Variants in ERLEC1 observed in about 807,000 individuals in gnomAD.
ERLEC1 encodes endoplasmic reticulum lectin 1, also known as ER lectin.
Under a neutral mutation model 68.0 loss-of-function variants are expected in ERLEC1, and 47 were observed. The ratio of observed to expected loss-of-function variants is 0.69; its 90% CI spans 0.55 to 0.88. ERLEC1 has a LOEUF of 0.88. Ranked by LOEUF, ERLEC1 falls within the 40% of genes least tolerant of loss-of-function variation. The pLI, the probability that ERLEC1 is intolerant of heterozygous loss-of-function variation, is 0.00. For missense variants in ERLEC1, 567 were observed against 583.8 expected (o/e 0.97, Z 0.30); for synonymous variants, 225 against 203.2 (o/e 1.11, Z -0.91).
chr2:53,814,398 AT>A, intron 11 of ERLEC1, 144 bp from the exon 12 acceptor site: 1 of 512,842 alleles, frequency 1.9e-6, no homozygotes, highest in East Asian at 3.0e-5. Flanking sequence ...CCCTAAAAAT[AT>A]TTTTTTAAAG....
At chr2:53,790,015 C>CAAAAA (rs751868369) in intron 1 of ERLEC1, among the ~76,000 whole-genome samples, 4 of 85,970 alleles carry the variant, frequency 4.7e-5, no homozygotes, top group Non-Finnish European at 9.8e-5. Context: ...GAGTCTGTCT[C>CAAAAA]AAAAAAAAAA....
At chr2:53,793,393 C>T (rs1199551826) in intron 1 of ERLEC1, among the ~76,000 whole-genome samples, 1 of 152,122 alleles carries the variant, frequency 6.6e-6, no homozygotes, top group Non-Finnish European at 1.5e-5. Flanking sequence ...TTGCGCTGTC[C>T]CACCACATAT....
chr2:53,803,604 A>G (rs2104309947), intron 8 of ERLEC1, among the ~76,000 whole-genome samples: 1 of 152,106 alleles, frequency 6.6e-6, no homozygotes, highest in African/African-American at 2.4e-5. Context: ...TACAAAAAAA[A>G]AAAAAAAAAT....
Position 53,787,130 on chromosome 2 carries a change from CT to C in ERLEC1, c.-80del. On this transcript the variant is annotated 5_prime_UTR_variant, in exon 1 of 14. Transcript: ENST00000185150. ...GGGCGCTTTATAGTCCCGCCGCCTC[CT>C]CCTCCACCTCCTCCTCCTCCTCCTC... The C allele has an allele frequency of 7.5e-7, 1 of 1,332,330 alleles. No individual in the cohort carries two copies. 82.5% of individuals were successfully genotyped at this position (1,332,330 alleles called of 1,614,324 possible).
chr2:53,804,338 A>G (rs193005688), intron 8 of ERLEC1, among the ~76,000 whole-genome samples: 8 of 152,092 alleles, frequency 5.3e-5, no homozygotes, highest in East Asian at 3.9e-4. Flanking sequence ...CTGTGGCGCA[A>G]TCTTGGCTCA....
chr2:53,804,201 A>G (rs778887768), intron 8 of ERLEC1, among the ~76,000 whole-genome samples: 1 of 152,170 alleles, frequency 6.6e-6, no homozygotes, highest in South Asian at 2.1e-4. Context: ...GTGGGTACAT[A>G]GCAGGTGTAT....
At position 53,809,196 on chromosome 2, in the gene ERLEC1, T is replaced by C. The variant is rs1231688119; in HGVS notation, c.1042-18T>C. On this transcript the variant is annotated intron_variant, in intron 9 of 13. Transcript: ENST00000185150. ...GCCCAGTTCTTAACTTGATCTAATA[T>C]GTTTTCTTTTTTTTTAGGGTGTCGG... 7 of 1,574,474 alleles carry C rather than the reference T, an allele frequency of 4.4e-6. No individual in the cohort carries two copies. The highest frequency in any genetic ancestry group is 2.3e-5 in the East Asian group (1 of 43,522).
chr2:53,811,996 C>T (rs1464094803), intron 10 of ERLEC1, among the ~76,000 whole-genome samples: 1 of 152,194 alleles, frequency 6.6e-6, no homozygotes, highest in African/African-American at 2.4e-5. Flanking sequence ...TGGCTCACTG[C>T]AACCTCTGCC....
rs1160756772 is a variant in ERLEC1 at position 53,799,035 on chromosome 2, A to C, written c.491-12A>C. ...ACTGCTCATTCTTTACACTTACCTT[A>C]TTATTCCACAGAACGAGAAGCAGAA... On this transcript the variant is annotated splice_polypyrimidine_tract_variant and intron_variant, in intron 5 of 13. Coordinates refer to ENST00000185150, the MANE Select transcript of ERLEC1 (RefSeq NM_015701.5). The C allele has an allele frequency of 6.2e-7, 1 of 1,612,078 alleles. No homozygotes were observed. Among genetic ancestry groups the C allele is most frequent in the South Asian group, 1.1e-5 (1 of 90,828 alleles).
chr2:53,793,718 C>T (rs1675538689), intron 1 of ERLEC1, among the ~76,000 whole-genome samples: 1 of 151,970 alleles, frequency 6.6e-6, no homozygotes, highest in South Asian at 2.1e-4. Context: ...AGTATAATCA[C>T]TATTTTAACT....
chr2:53,803,553 C>G (rs1402282654), intron 8 of ERLEC1, among the ~76,000 whole-genome samples: 1 of 148,206 alleles, frequency 6.7e-6, no homozygotes, highest in Non-Finnish European at 1.5e-5. Context: ...TGCTTGAAGC[C>G]AGGAGTTCAA....
At chr2:53,793,386 C>T (rs912634067) in intron 1 of ERLEC1, among the ~76,000 whole-genome samples, 19 of 152,260 alleles carry the variant, frequency 1.2e-4, no homozygotes, top group African/African-American at 3.1e-4. Context: ...ACAGCCATTG[C>T]GCTGTCCCAC....
intron 13 of ERLEC1, among the ~76,000 whole-genome samples, chr2:53,815,727 G>A (rs1013006678): frequency 1.3e-5 from 2 of 151,824 alleles, no homozygotes; most frequent in Non-Finnish European, 1.5e-5. Flanking sequence ...GTGGTGTTTT[G>A]TTTAGTTGAT....
Position 53,818,682 on chromosome 2 carries a change from C to CT in ERLEC1, c.*714dup, listed in dbSNP as rs969602925. 3 of 152,236 alleles carry CT rather than the reference C, an allele frequency of 2.0e-5. No homozygotes were observed. Among genetic ancestry groups the CT allele is most frequent in the African/African-American group, 7.2e-5 (3 of 41,462 alleles). The allele number at this position is 152,236 out of a possible 1,614,324, so 9.4% of individuals were successfully genotyped here. On this transcript the variant is annotated 3_prime_UTR_variant, in exon 14 of 14. Transcript: ENST00000185150. ...CTTCTGAGACTCAGAATGGTTTACT[C>CT]TAACAAAACACTGTGCTGTCTATCC... is the stretch of plus-strand genomic sequence containing the variant.
intron 5 of ERLEC1, among the ~76,000 whole-genome samples, 167 bp from the exon 6 acceptor site, chr2:53,798,880 A>T (rs1675858249): frequency 6.6e-6 from 1 of 152,056 alleles, no homozygotes; most frequent in Non-Finnish European, 1.5e-5. Flanking sequence ...TTCCTTTCAT[A>T]CAAAACCATT....
chr2:53,802,548 C>G (rs1011611808), intron 8 of ERLEC1, among the ~76,000 whole-genome samples: 7 of 152,178 alleles, frequency 4.6e-5, no homozygotes, highest in Admixed American at 4.6e-4. Flanking sequence ...TCTAATTCTT[C>G]CCACACAGCT....
chr2:53,804,383 T>C (rs1255830256), intron 8 of ERLEC1, among the ~76,000 whole-genome samples: 1 of 151,916 alleles, frequency 6.6e-6, no homozygotes, highest in African/African-American at 2.4e-5. Context: ...AAGTGGTTCT[T>C]GTGCCTTGGC....
In ERLEC1 at chr2:53,801,629, T is replaced by G. The variant is rs1216276310; in HGVS notation, c.749+9T>G. 1 of 1,612,322 alleles carries G rather than the reference T, an allele frequency of 6.2e-7. No individual in the cohort carries two copies. The highest frequency in any genetic ancestry group is 1.1e-5 in the South Asian group (1 of 91,022). On this transcript the variant is annotated intron_variant, in intron 7 of 13. Transcript: ENST00000185150. ...AGTCATCCTAAATATAGGTAGGATG[T>G]GCATTTAATATTTTAAACATAAAAT...
chr2:53,793,738 T>G, intron 1 of ERLEC1, among the ~76,000 whole-genome samples: 1 of 152,190 alleles, frequency 6.6e-6, no homozygotes, highest in East Asian at 1.9e-4. Flanking sequence ...TTCAATCTGT[T>G]GCATTCCTCC....
Sources: allele counts gnomAD v4.1 joint callset (sites outside exome capture counted in the v4.1 genomes callset), GRCh38; gene constraint gnomAD v4.1.1; transcripts MANE v1.5; gene names NCBI Gene and HGNC (gene_info 2026-07-23, HGNC 2026-07-21).